DNAH3: variants seen among roughly 807,000 people sequenced by gnomAD.
The protein encoded by DNAH3 is axonemal beta dynein heavy chain 3.
DNAH3 carries 332 observed loss-of-function variants against 432.5 expected under a neutral mutation model. The observed-to-expected ratio is 0.77, with a 90% CI of 0.70 to 0.84. DNAH3 has a LOEUF of 0.84. Among genes scored for constraint, DNAH3 ranks in the 40% least tolerant of loss-of-function variants. The pLI is 0.00. For synonymous variants in DNAH3, 1,956 were observed against 1,900.2 expected (o/e 1.03, Z -0.76); for missense variants, 4,861 against 5,114.0 (o/e 0.95, Z 1.51).
intron 52 of DNAH3, among the ~76,000 whole-genome samples, chr16:20,966,543 G>A (rs372976346): frequency 1.3e-5 from 2 of 152,238 alleles, no homozygotes; most frequent in African/African-American, 4.8e-5. Flanking sequence ...ATTGCAACCT[G>A]TAAGTTTTCA....
chr16:21,063,702 A>C, intron 24 of DNAH3, among the ~76,000 whole-genome samples: 1 of 151,534 alleles, frequency 6.6e-6, no homozygotes, highest in East Asian at 1.9e-4. Context: ...GCCACCACGC[A>C]CGGCTAATTT....
At chr16:21,144,574 C>T (rs1463645533) in intron 3 of DNAH3, among the ~76,000 whole-genome samples, 1 of 152,130 alleles carries the variant, frequency 6.6e-6, no homozygotes, top group African/African-American at 2.4e-5. Context: ...TCAGCCATGC[C>T]CACGTTCCTG....
At chr16:21,140,333 A>C in intron 5 of DNAH3, 1 of 491,868 alleles carries the variant, frequency 2.0e-6, no homozygotes, top group Non-Finnish European at 3.6e-6. Flanking sequence ...GGCAGAGAAC[A>C]TGTACACACA....
chr16:21,040,292 T>C (rs935216098), intron 32 of DNAH3, among the ~76,000 whole-genome samples: 1 of 148,858 alleles, frequency 6.7e-6, no homozygotes, highest in Non-Finnish European at 1.5e-5. Flanking sequence ...GTGTTCAACA[T>C]GGACATCAGA....
At chr16:20,988,204 A>AG in intron 44 of DNAH3, 139 bp from the exon 45 acceptor site, 1 of 891,222 alleles carries the variant, frequency 1.1e-6, no homozygotes, top group South Asian at 1.7e-5. Flanking sequence ...GGCAACCTCT[A>AG]GCCACCTGCA....
Position 21,062,716 on chromosome 16 carries a change from A to C in DNAH3, c.3519-33T>G, listed in dbSNP as rs546033751. ...AAAGCAAAGAAAGATGGTAACTGGA[A>C]CCTCTTCCAAGAACTTTTTCTAGCA... On this transcript the variant is annotated intron_variant, in intron 24 of 61. Transcript: ENST00000261383. 1.9e-6 allele frequency: 3 copies of C among 1,574,816 alleles called. No individual in the cohort carries two copies. In the South Asian group the frequency reaches 3.4e-5, roughly 18 times the overall value.
chr16:20,987,246 A>G, intron 47 of DNAH3, 59 bp downstream of exon 47: 2 of 1,593,236 alleles, frequency 1.3e-6, no homozygotes, highest in Non-Finnish European at 1.7e-6. Flanking sequence ...ATCTGAAAGT[A>G]ACGTGGTTAA....
At chr16:21,024,468 G>A (rs1282782114) in intron 39 of DNAH3, 128 bp downstream of exon 39, 1 of 624,448 alleles carries the variant, frequency 1.6e-6, no homozygotes, top group Non-Finnish European at 2.7e-6. Context: ...GATAACTGGG[G>A]ACAACAAGGG....
At chr16:20,948,345 T>C (rs2152573467) in intron 57 of DNAH3, 138 bp downstream of exon 57, 1 of 859,900 alleles carries the variant, frequency 1.2e-6, no homozygotes, top group South Asian at 1.9e-5. Flanking sequence ...TTTGGGAATA[T>C]TGGGAATAGC....
chr16:21,134,371 G>C, exon 7 of DNAH3: 3 of 1,614,138 alleles, frequency 1.9e-6, no homozygotes, highest in Non-Finnish European at 2.5e-6. Context: ...ACAGGGGCCC[G>C]GATCACTCTT....
intron 44 of DNAH3, among the ~76,000 whole-genome samples, chr16:20,990,793 G>A (rs1049975247): frequency 2.6e-5 from 4 of 152,016 alleles, no homozygotes; most frequent in African/African-American, 7.2e-5. Context: ...AGGCCGAGGC[G>A]TGCAGATCAC....
At chr16:20,954,001 GTTGA>G (rs542871563) in intron 55 of DNAH3, among the ~76,000 whole-genome samples, 57 of 152,146 alleles carry the variant, frequency 3.7e-4, no homozygotes, top group African/African-American at 1.2e-3. Flanking sequence ...CCTCTTTAAG[GTTGA>G]TTAATATTCA....
At chr16:21,078,275 C>CAAAA (rs1202846920) in intron 20 of DNAH3, among the ~76,000 whole-genome samples, 26 of 83,690 alleles carry the variant, frequency 3.1e-4, no homozygotes, top group South Asian at 8.8e-4. Flanking sequence ...AATTCCGTCT[C>CAAAA]AAAAAAAAAA....
Position 21,121,950 on chromosome 16 carries a change from G to A in DNAH3, c.1579C>T (p.Pro527Ser), listed in dbSNP as rs1245429929. The A allele has an allele frequency of 1.2e-6, 2 of 1,608,060 alleles. No individual in the cohort carries two copies. The highest frequency in any genetic ancestry group is 2.2e-5 in the South Asian group (2 of 89,496). Reference sequence around the variant, plus strand: ...TGATTAAGTGACTACTATACCTTGGGGATCCCATTAGAGTTCTTAATAATT... The same window carrying A: ...TGATTAAGTGACTACTATACCTTGGAGATCCCATTAGAGTTCTTAATAATT... The change falls in exon 10 of 62, where the codon CCC becomes TCC. Residue 527 changes from proline (P) to serine (S), a missense_variant. Pro to Ser is a moderately conservative substitution (Grantham distance 74, BLOSUM62 -1). Coordinates refer to ENST00000261383, the Ensembl canonical transcript of DNAH3.
rs1361864483 is a variant in DNAH3, at chr16:20,987,588, T to C, written c.6882+105A>G. ...AAAATGCTTAGCACAATGCCTAGCA[T>C]AGACTAAGTGCCTAATAAAAGTTAG... On this transcript the variant is annotated intron_variant, in intron 46 of 61. Coordinates refer to ENST00000261383, the Ensembl canonical transcript of DNAH3. 8 of 1,541,294 alleles carry C rather than the reference T, an allele frequency of 5.2e-6. No individual in the cohort carries two copies. The Admixed American group carries it at 5.4e-5, about 10-fold the overall frequency.
chr16:20,958,467 C>T (rs750909499), intron 54 of DNAH3, among the ~76,000 whole-genome samples: 46 of 152,186 alleles, frequency 3.0e-4, no homozygotes, highest in Admixed American at 8.5e-4. Flanking sequence ...CCTTCTCCAA[C>T]AACTTTTCAT....
exon 55 of DNAH3, chr16:20,954,932 G>C (rs760740690): frequency 6.2e-7 from 1 of 1,614,110 alleles, no homozygotes; most frequent in South Asian, 1.1e-5. Context: ...ATCTGAGATG[G>C]GGTCATTGAG....
chr16:21,002,031 T>C (rs914705642), intron 42 of DNAH3, among the ~76,000 whole-genome samples: 3 of 152,182 alleles, frequency 2.0e-5, no homozygotes, highest in African/African-American at 7.2e-5. Flanking sequence ...TGGGGGTTGC[T>C]TTACAACACT....
chr16:20,953,450 C>T (rs562790342), intron 55 of DNAH3, among the ~76,000 whole-genome samples: 4 of 152,068 alleles, frequency 2.6e-5, no homozygotes, highest in East Asian at 1.9e-4. Flanking sequence ...TGAACCATCG[C>T]GCCCAGGTTC....
Sources: allele counts gnomAD v4.1 joint callset (sites outside exome capture counted in the v4.1 genomes callset), GRCh38; gene constraint gnomAD v4.1.1; transcripts MANE v1.5; gene names NCBI Gene and HGNC (gene_info 2026-07-23, HGNC 2026-07-21).